Variants in TUSC3 observed in about 807,000 individuals in gnomAD.
TUSC3 encodes the protein dolichyl-diphosphooligosaccharide--protein glycosyltransferase subunit TUSC3.
In TUSC3, 45 loss-of-function variants were observed where a neutral mutation model predicts 44.8. The ratio of observed to expected loss-of-function variants is 1.00; its 90% CI spans 0.79 to 1.29. TUSC3 has a LOEUF of 1.29. Ranked by LOEUF, TUSC3 falls within the 50% of genes most tolerant of loss-of-function variation. The pLI, the probability that TUSC3 is intolerant of heterozygous loss-of-function variation, is 0.00. For synonymous variants in TUSC3, 212 were observed against 152.9 expected (o/e 1.39, Z -2.85); for missense variants, 519 against 437.9 (o/e 1.19, Z -1.65).
chr8:15,834,217 A>G, the TUSC3 span, among the ~76,000 whole-genome samples: 4 of 128,046 alleles, frequency 3.1e-5, no homozygotes, highest in Admixed American at 7.8e-5. Flanking sequence ...TCAATTCTTC[A>G]TTTTTATTTA....
At chr8:15,554,184 C>T (rs1371810393) in intron 1 of TUSC3, among the ~76,000 whole-genome samples, 1 of 151,642 alleles carries the variant, frequency 6.6e-6, no homozygotes, top group African/African-American at 2.4e-5. Context: ...CTTGTATCAT[C>T]ACAATGGTGA....
the TUSC3 span, among the ~76,000 whole-genome samples, chr8:15,786,056 A>G: frequency 1.6e-4 from 24 of 152,346 alleles, no homozygotes; most frequent in African/African-American, 5.5e-4. Flanking sequence ...TTGTTTGTAT[A>G]GTTACTCTGC....
At chr8:15,796,404 C>T in the TUSC3 span, among the ~76,000 whole-genome samples, 3 of 152,162 alleles carry the variant, frequency 2.0e-5, no homozygotes, top group African/African-American at 7.2e-5. Context: ...TGCCAAACAC[C>T]TAGGCCACTG....
intron 6 of TUSC3, among the ~76,000 whole-genome samples, chr8:15,674,645 TATA>T (rs775721180): frequency 2.0e-5 from 3 of 151,910 alleles, no homozygotes; most frequent in Non-Finnish European, 2.9e-5. Context: ...ATTATTACTA[TATA>T]ATAATCAATT....
chr8:15,729,493 A>T (rs1306340778), intron 6 of TUSC3, among the ~76,000 whole-genome samples: 2 of 152,138 alleles, frequency 1.3e-5, no homozygotes, highest in African/African-American at 2.4e-5. Context: ...GGACTGGATT[A>T]AAAAAATGTG....
At chr8:15,769,205 C>T (rs1247860289), downstream of TUSC3, among the ~76,000 whole-genome samples, 1 of 152,172 alleles carries the variant, frequency 6.6e-6, no homozygotes, top group Non-Finnish European at 1.5e-5. Context: ...ACCAAAACAG[C>T]ATGGTACTGG....
intron 2 of TUSC3, among the ~76,000 whole-genome samples, chr8:15,490,722 A>G (rs1800797141): frequency 6.6e-6 from 1 of 152,242 alleles, no homozygotes; most frequent in South Asian, 2.1e-4. Flanking sequence ...ACTCATCAAA[A>G]ATAATACTTT....
intron 6 of TUSC3, among the ~76,000 whole-genome samples, chr8:15,690,071 A>G (rs1162459989): frequency 6.6e-6 from 1 of 152,032 alleles, no homozygotes; most frequent in Admixed American, 6.6e-5. Flanking sequence ...ATTCTGTTTT[A>G]AGCTCTTTGA....
At chr8:15,820,261 TG>T in the TUSC3 span, among the ~76,000 whole-genome samples, 2 of 152,130 alleles carry the variant, frequency 1.3e-5, no homozygotes, top group Non-Finnish European at 2.9e-5. Flanking sequence ...GGTAATATTT[TG>T]TTAAGAATTT....
chr8:15,559,214 G>A (rs568604574), intron 1 of TUSC3, among the ~76,000 whole-genome samples: 136 of 141,372 alleles, frequency 9.6e-4, no homozygotes, highest in African/African-American at 2.7e-3. Flanking sequence ...CTTTGTTCTC[G>A]TTGGTTTCAA....
At chr8:15,512,397 G>C (rs1801149393) in intron 2 of TUSC3, among the ~76,000 whole-genome samples, 1 of 152,172 alleles carries the variant, frequency 6.6e-6, no homozygotes, top group African/African-American at 2.4e-5. Context: ...ACCTCTTCCT[G>C]AGTCTCCTGT....
At chr8:15,497,450 C>T (rs896349783) in intron 2 of TUSC3, among the ~76,000 whole-genome samples, 2 of 152,138 alleles carry the variant, frequency 1.3e-5, no homozygotes, top group Non-Finnish European at 1.5e-5. Flanking sequence ...AAATTAGATT[C>T]CAGAACTAAG....
chr8:15,832,920 G>A, the TUSC3 span, among the ~76,000 whole-genome samples: 1 of 152,046 alleles, frequency 6.6e-6, no homozygotes, highest in African/African-American at 2.4e-5. Context: ...CTCATCACTG[G>A]ATTAAATGGA....
At chr8:15,481,592 G>A (rs1218572482) in intron 1 of TUSC3, among the ~76,000 whole-genome samples, 2 of 152,142 alleles carry the variant, frequency 1.3e-5, no homozygotes, top group South Asian at 2.1e-4. Context: ...AATAAAGCAG[G>A]TATCACAGTA....
At chr8:15,417,846 C>G (rs1446040491) in intron 1 of TUSC3, among the ~76,000 whole-genome samples, 1 of 152,118 alleles carries the variant, frequency 6.6e-6, no homozygotes, top group East Asian at 1.9e-4. Context: ...TGCGGCCTTT[C>G]TCTTTCACTC....
At chr8:15,845,109 G>A in the TUSC3 span, among the ~76,000 whole-genome samples, 1 of 152,102 alleles carries the variant, frequency 6.6e-6, no homozygotes, top group Non-Finnish European at 1.5e-5. Context: ...GCTAGAGAAG[G>A]CAAAATCATA....
rs536120777 is a variant in TUSC3 at position 15,459,839 on chromosome 8, TG to T, written n.92-23546del. On this transcript the variant is annotated intron_variant and non_coding_transcript_variant, in intron 1 of 5. Coordinates refer to the TUSC3 transcript ENST00000503191. ...GGCTAAGTAGTATTCCATTTGTGTG[TG>T]TGTGTGTGTGTGTGTATGTGTGTGT... Among the ~76,000 whole-genome samples the T allele has an allele frequency of 1.3e-3, 199 of 148,098 alleles. 1 individual carries two copies. In the East Asian group the frequency reaches 0.036, roughly 27 times the overall value.
intron 1 of TUSC3, among the ~76,000 whole-genome samples, chr8:15,588,211 T>A (rs1411438485): frequency 2.0e-5 from 3 of 152,120 alleles, no homozygotes; most frequent in Non-Finnish European, 4.4e-5. Flanking sequence ...TTTCTCCACA[T>A]CCTCATCAGT....
At chr8:15,500,984 C>T (rs528712426) in intron 2 of TUSC3, among the ~76,000 whole-genome samples, 5 of 152,098 alleles carry the variant, frequency 3.3e-5, no homozygotes, top group Non-Finnish European at 5.9e-5. Flanking sequence ...GAAAGTAACT[C>T]TTTCTGTATA....
Sources: allele counts gnomAD v4.1 joint callset (sites outside exome capture counted in the v4.1 genomes callset), GRCh38; gene constraint gnomAD v4.1.1; transcripts MANE v1.5; gene names NCBI Gene and HGNC (gene_info 2026-07-23, HGNC 2026-07-21).